FAM227B: variants seen among roughly 807,000 people sequenced by gnomAD.
The protein encoded by FAM227B is family with sequence similarity 227 member B, also known as protein FAM227B.
A neutral mutation model predicts 73.8 loss-of-function variants in FAM227B; 88 were observed. The ratio of observed to expected loss-of-function variants is 1.19; its 90% CI spans 1.00 to 1.42. FAM227B has a LOEUF of 1.42. Among genes scored for constraint, FAM227B ranks in the 40% most tolerant of loss-of-function variants. The pLI, the probability that FAM227B is intolerant of heterozygous loss-of-function variation, is 0.00. For missense variants in FAM227B, 632 were observed against 590.9 expected (o/e 1.07, Z -0.72); for synonymous variants, 210 against 190.5 (o/e 1.10, Z -0.84).
At position 49,470,958 on chromosome 15, in the gene FAM227B, T is replaced by G. The variant is rs147941940; in HGVS notation, c.1012+37253A>C. ...ACTACTGCAGCCCACCTGGAACATA[T>G]TTGTTGTGTTTGTTCCACATCTTGT... On this transcript the variant is annotated intron_variant, in intron 11 of 15. Transcript: ENST00000299338. Among the ~76,000 whole-genome samples, 678 of 152,338 alleles carry G rather than the reference T, an allele frequency of 4.5e-3. 10 individuals carry two copies. The highest frequency in any genetic ancestry group is 0.016 in the African/African-American group (647 of 41,580).
intron 11 of FAM227B, among the ~76,000 whole-genome samples, chr15:49,449,178 AGT>A (rs1489476008): frequency 6.6e-6 from 1 of 151,990 alleles, no homozygotes; most frequent in East Asian, 1.9e-4. Context: ...TGCATTACTA[AGT>A]CTAAGTTTTT....
At chr15:49,549,984 A>G (rs398088954) in intron 9 of FAM227B, among the ~76,000 whole-genome samples, 1,135 of 73,986 alleles carry the variant, frequency 0.015, 109 homozygotes, top group Non-Finnish European at 0.023. Flanking sequence ...CCTCCCTCCC[A>G]GACGGGGCGG....
intron 11 of FAM227B, among the ~76,000 whole-genome samples, chr15:49,496,171 A>G (rs2057589469): frequency 6.6e-6 from 1 of 152,150 alleles, no homozygotes; most frequent in South Asian, 2.1e-4. Flanking sequence ...GTGTATGAGT[A>G]ACTACTGTGT....
chr15:49,542,411 T>A (rs1343214313), intron 9 of FAM227B, among the ~76,000 whole-genome samples: 1 of 152,116 alleles, frequency 6.6e-6, no homozygotes, highest in African/African-American at 2.4e-5. Flanking sequence ...TTTCTGAGAT[T>A]TTGGTGCACT....
intron 2 of FAM227B, among the ~76,000 whole-genome samples, chr15:49,612,220 C>G (rs974480324): frequency 3.3e-5 from 5 of 152,018 alleles, no homozygotes; most frequent in Non-Finnish European, 7.4e-5. Flanking sequence ...TTAGGTATAT[C>G]TCCTAATGCT....
At chr15:49,535,192 A>T (rs899627781) in intron 10 of FAM227B, among the ~76,000 whole-genome samples, 12 of 151,492 alleles carry the variant, frequency 7.9e-5, no homozygotes, top group African/African-American at 4.8e-5. Flanking sequence ...TAGCTAGACT[A>T]AAAAAAGGGA....
intron 13 of FAM227B, among the ~76,000 whole-genome samples, chr15:49,337,011 A>G (rs1388808261): frequency 6.6e-6 from 1 of 152,192 alleles, no homozygotes; most frequent in Non-Finnish European, 1.5e-5. Flanking sequence ...GTTGCTGCAA[A>G]GGACATGAGT....
intron 9 of FAM227B, among the ~76,000 whole-genome samples, chr15:49,546,919 A>G (rs11638200): frequency 0.25 from 38,121 of 152,094 alleles, 5,756 homozygotes; most frequent in Non-Finnish European, 0.35. Flanking sequence ...CAAATTCAGG[A>G]AATACAGAGA....
chr15:49,396,974 G>GC (rs929599363), intron 11 of FAM227B, among the ~76,000 whole-genome samples: 45 of 152,200 alleles, frequency 3.0e-4, no homozygotes, highest in African/African-American at 1.1e-3. Flanking sequence ...TTCCCCACCA[G>GC]CAACAGAACA....
At chr15:49,357,456 C>T (rs1451698431) in intron 13 of FAM227B, among the ~76,000 whole-genome samples, 1 of 152,010 alleles carries the variant, frequency 6.6e-6, no homozygotes, top group African/African-American at 2.4e-5. Flanking sequence ...ACTACAAACA[C>T]CTCTATGCAA....
At chr15:49,355,607 C>T (rs1326302319) in intron 13 of FAM227B, among the ~76,000 whole-genome samples, 2 of 152,122 alleles carry the variant, frequency 1.3e-5, no homozygotes, top group African/African-American at 2.4e-5. Context: ...ACCAAATCTA[C>T]GTCTGACTGG....
At chr15:49,579,129 A>G (rs1377270945) in intron 5 of FAM227B, among the ~76,000 whole-genome samples, 1 of 152,212 alleles carries the variant, frequency 6.6e-6, no homozygotes, top group African/African-American at 2.4e-5. Flanking sequence ...TCCAAATTAG[A>G]ATGGCTATTA....
chr15:49,479,654 T>C (rs1422814997), intron 11 of FAM227B, among the ~76,000 whole-genome samples: 5 of 135,198 alleles, frequency 3.7e-5, no homozygotes, highest in Admixed American at 8.3e-5. Flanking sequence ...GCTCTTGTTG[T>C]CCAGGCTGGA....
At chr15:49,380,922 A>C (rs1465250169) in intron 11 of FAM227B, among the ~76,000 whole-genome samples, 2 of 152,134 alleles carry the variant, frequency 1.3e-5, no homozygotes, top group African/African-American at 2.4e-5. Flanking sequence ...AAATAGGTTT[A>C]ATTGGATTAT....
At chr15:49,399,348 C>G (rs1039943727) in intron 11 of FAM227B, among the ~76,000 whole-genome samples, 3 of 149,336 alleles carry the variant, frequency 2.0e-5, no homozygotes, top group African/African-American at 7.4e-5. Context: ...GAAATTGTAG[C>G]AATAATCAAT....
In FAM227B at chr15:49,537,470, T is replaced by A. The variant is rs1430163457; in HGVS notation, c.874+4210A>T. 3.3e-5 allele frequency among the ~76,000 whole-genome samples: 5 copies of A among 152,232 alleles called. No individual in the cohort carries two copies. The East Asian group carries it at 9.6e-4, about 29-fold the overall frequency. On this transcript the variant is annotated intron_variant, in intron 10 of 15. Transcript: ENST00000299338. ...AACCCTTGTACACTACTGGTAAGAA[T>A]GTAGACTGGTGCAGCTATTGAGGAA...
intron 13 of FAM227B, among the ~76,000 whole-genome samples, chr15:49,337,858 T>C (rs1171904653): frequency 2.0e-5 from 3 of 152,242 alleles, no homozygotes; most frequent in Admixed American, 2.0e-4. Flanking sequence ...GGCTGCATAG[T>C]ATTCCATGGT....
At chr15:49,335,784 G>A (rs2039603313) in intron 13 of FAM227B, among the ~76,000 whole-genome samples, 1 of 152,114 alleles carries the variant, frequency 6.6e-6, no homozygotes, top group South Asian at 2.1e-4. Flanking sequence ...TGTTTTAAAA[G>A]CAGCAACTTG....
chr15:49,426,993 G>C (rs997436281), intron 11 of FAM227B, among the ~76,000 whole-genome samples: 1 of 151,948 alleles, frequency 6.6e-6, no homozygotes, highest in Non-Finnish European at 1.5e-5. Flanking sequence ...AAGTTAAAAA[G>C]AGGATAAGCC....
Sources: allele counts gnomAD v4.1 joint callset (sites outside exome capture counted in the v4.1 genomes callset), GRCh38; gene constraint gnomAD v4.1.1; transcripts MANE v1.5; gene names NCBI Gene and HGNC (gene_info 2026-07-23, HGNC 2026-07-21).